Variants in DOCK10 observed in about 807,000 individuals in gnomAD.
DOCK10 encodes the protein dedicator of cytokinesis protein 10.
DOCK10 carries 145 observed loss-of-function variants against 280.1 expected under a neutral mutation model. The observed-to-expected ratio is 0.52, with a 90% CI of 0.45 to 0.59. DOCK10 has a LOEUF of 0.59. DOCK10 is among the 20% of genes least tolerant of loss of function. DOCK10 has a pLI of 0.00. For missense variants in DOCK10, 2,368 were observed against 2,651.7 expected, an observed-to-expected ratio of 0.89 and a Z score of 2.35; for synonymous variants, 915 against 942.2, an observed-to-expected ratio of 0.97 and a Z score of 0.53.
chr2:224,874,370 G>T (rs1263124874), intron 9 of DOCK10, 21 bp from the exon 10 acceptor site: 5 of 1,579,888 alleles, frequency 3.2e-6, no homozygotes, highest in Non-Finnish European at 4.3e-6. Context: ...AATTGTGTTA[G>T]TCCTTGGTAT....
At chr2:224,931,756 T>A in intron 1 of DOCK10, 88 bp from the exon 2 acceptor site, 1 of 1,428,914 alleles carries the variant, frequency 7.0e-7, no homozygotes, top group African/African-American at 1.4e-5. Context: ...TTAGTTATCA[T>A]TGAGGCTTTA....
chr2:224,973,567 C>T lies in DOCK10; in HGVS notation c.124-41899G>A, dbSNP rs947897513. On this transcript the variant is annotated intron_variant, in intron 1 of 55. Transcript: ENST00000258390. ...GGAAACAGATTCTCCCCTAGCACCC[C>T]GAGAAAGGAATGCAGCTCTGCCAAT... is the stretch of plus-strand genomic sequence containing the variant. 2.0e-5 allele frequency among the ~76,000 whole-genome samples: 3 copies of T among 152,044 alleles called. No individual in the cohort carries two copies. In the South Asian group the frequency reaches 6.3e-4, roughly 32 times the overall value.
In DOCK10 at chr2:224,970,491, C is replaced by A. The variant is rs961165012; in HGVS notation, c.124-38823G>T. On this transcript the variant is annotated intron_variant, in intron 1 of 55. Coordinates refer to ENST00000258390, the MANE Select transcript of DOCK10 (RefSeq NM_014689.3). The surrounding 1 kb of genome is among the most constrained non-coding windows in gnomAD (Gnocchi z 4.6). Reference sequence around the variant, plus strand: ...TTATATGATTCTGTTTCTGTTCTAGCACGACATTTCCGGATTCAGACTTCT... The same window carrying A: ...TTATATGATTCTGTTTCTGTTCTAGAACGACATTTCCGGATTCAGACTTCT... 1.3e-5 allele frequency among the ~76,000 whole-genome samples: 2 copies of A among 152,226 alleles called. No individual in the cohort carries two copies. Among genetic ancestry groups the A allele is most frequent in the Admixed American group, 1.3e-4 (2 of 15,286 alleles).
At chr2:224,796,568 C>T (rs1035181535) in intron 43 of DOCK10, 142 bp from the exon 44 acceptor site, 7 of 588,140 alleles carry the variant, frequency 1.2e-5, no homozygotes, top group East Asian at 5.6e-5. Flanking sequence ...AGCTCCAGAA[C>T]GTATTATTAA....
rs201901572 is a variant in DOCK10, at chr2:224,845,579, C to G, written c.2299G>C (p.Val767Leu). The G allele has an allele frequency of 6.2e-7, 1 of 1,613,222 alleles. No individual in the cohort carries two copies. The highest frequency in any genetic ancestry group is 1.1e-5 in the South Asian group (1 of 90,918). The change falls in exon 20 of 56, where the codon GTC (valine) becomes CTC (leucine). Residue 767 changes from valine (V) to leucine (L), a missense_variant. By Grantham distance (32) the Val-to-Leu change is conservative (BLOSUM62 1). Coordinates refer to ENST00000258390, the MANE Select transcript of DOCK10 (RefSeq NM_014689.3). ...GCTTTTGCATTGATGTCACAGGTGA[C>G]GTGATAAAAAGAAAACAAAATATGG... The part of the protein sequence containing the change: ...KHHILFSFYH[V>L]TCDINAKANA...
At chr2:224,975,194 G>A (rs913270568) in intron 1 of DOCK10, among the ~76,000 whole-genome samples, 3 of 152,078 alleles carry the variant, frequency 2.0e-5, no homozygotes, top group Admixed American at 6.6e-5. Flanking sequence ...GATTTATGTT[G>A]CTAATTACTA....
At chr2:224,874,834 T>C (rs1317412075) in intron 8 of DOCK10, 83 bp from the exon 9 acceptor site, 21 of 1,283,782 alleles carry the variant, frequency 1.6e-5, no homozygotes, top group Middle Eastern at 1.8e-4. Context: ...CAAAACTAAG[T>C]TAGGCTTAAG....
chr2:224,900,356 C>T (rs1032051764), intron 3 of DOCK10, among the ~76,000 whole-genome samples: 1 of 151,594 alleles, frequency 6.6e-6, no homozygotes, highest in Non-Finnish European at 1.5e-5. Context: ...ACTTTGCATA[C>T]AGTCTTAACA....
chr2:224,900,409 G>A (rs906805132), intron 3 of DOCK10, among the ~76,000 whole-genome samples: 2 of 152,132 alleles, frequency 1.3e-5, no homozygotes, highest in African/African-American at 4.8e-5. Context: ...AGATTAGAGA[G>A]GCAAGCAGAG....
At chr2:225,010,249 G>A (rs1689396638) in intron 1 of DOCK10, among the ~76,000 whole-genome samples, 1 of 152,110 alleles carries the variant, frequency 6.6e-6, no homozygotes, top group East Asian at 1.9e-4. Flanking sequence ...AACCTTTTAA[G>A]CCTTGCTGTG....
chr2:224,915,426 T>C (rs1701250937), intron 3 of DOCK10, among the ~76,000 whole-genome samples: 1 of 152,140 alleles, frequency 6.6e-6, no homozygotes, highest in Non-Finnish European at 1.5e-5. Flanking sequence ...CCTTAAAAGG[T>C]ATTGTAATGC....
intron 31 of DOCK10, among the ~76,000 whole-genome samples, chr2:224,811,720 C>A (rs1693791387): frequency 1.3e-5 from 2 of 152,118 alleles, no homozygotes; most frequent in African/African-American, 4.8e-5. Flanking sequence ...CCAGTTTTCC[C>A]AGCACCATTT....
chr2:224,854,498 G>A (rs1696972692), intron 16 of DOCK10, among the ~76,000 whole-genome samples: 1 of 152,148 alleles, frequency 6.6e-6, no homozygotes, highest in African/African-American at 2.4e-5. Flanking sequence ...TAACCCTCTG[G>A]CAGCACAATA....
chr2:224,988,244 C>T (rs140453892), intron 1 of DOCK10, among the ~76,000 whole-genome samples: 2 of 152,150 alleles, frequency 1.3e-5, no homozygotes, highest in Non-Finnish European at 2.9e-5. Context: ...TCCTTTCTAA[C>T]ACACCCCTGT....
rs1052977589 is a variant in DOCK10 at position 225,042,106 on chromosome 2, C to G, written c.123+146G>C. On this transcript the variant is annotated intron_variant, in intron 1 of 55. Transcript: ENST00000258390. The surrounding 1 kb of genome is among the most constrained non-coding windows in gnomAD (Gnocchi z 5.1). ...TCGCTGAGGTGGCGCCGGGGGAGCC[C>G]GCAGAGGCGGCGGGGGAGGGAGTGC... The G allele has an allele frequency of 9.6e-6, 10 of 1,037,962 alleles. No homozygotes were observed. The highest frequency in any genetic ancestry group is 8.9e-5 in the Admixed American group (2 of 22,584). The allele number at this position is 1,037,962 out of a possible 1,614,324, so 64.3% of individuals were successfully genotyped here. A position where few individuals can be genotyped will look rare whatever the true frequency, so the allele number is the denominator to read the frequency against.
intron 31 of DOCK10, 48 bp downstream of exon 31, chr2:224,814,272 T>C (rs866739568): frequency 1.7e-6 from 2 of 1,188,062 alleles, no homozygotes; most frequent in Non-Finnish European, 2.3e-6. Context: ...GTCAATATTA[T>C]TGGATTACAG....
intron 1 of DOCK10, among the ~76,000 whole-genome samples, chr2:224,975,009 TG>T (rs1705350044): frequency 6.6e-6 from 1 of 151,366 alleles, no homozygotes; most frequent in African/African-American, 2.4e-5. Context: ...TCTTTATCAC[TG>T]TGTTGGTTTT....
intron 3 of DOCK10, among the ~76,000 whole-genome samples, chr2:224,903,026 A>C (rs1419250098): frequency 2.0e-5 from 3 of 152,158 alleles, no homozygotes; most frequent in Admixed American, 2.0e-4. Context: ...TGAACCCGGG[A>C]GGCGGAGCTT....
At position 224,947,086 on chromosome 2, in the gene DOCK10, A is replaced by G; in HGVS notation, c.124-15418T>C. 8 of 1,357,120 alleles carry G rather than the reference A, an allele frequency of 5.9e-6. No individual in the cohort carries two copies. In the South Asian group the frequency reaches 1.3e-4, roughly 22 times the overall value. The allele number at this position is 1,357,120 out of a possible 1,614,324, so 84.1% of individuals were successfully genotyped here. A position where few individuals can be genotyped will look rare whatever the true frequency, so the allele number is the denominator to read the frequency against. Reference sequence around the variant, plus strand: ...GAAATGCTCATGCTACATGAATGTAACTCAACAGAAAGGAAAGGAAAGCTG... The same window carrying G: ...GAAATGCTCATGCTACATGAATGTAGCTCAACAGAAAGGAAAGGAAAGCTG... On this transcript the variant is annotated intron_variant, in intron 1 of 55. Coordinates refer to ENST00000258390, the MANE Select transcript of DOCK10 (RefSeq NM_014689.3).
Sources: gnomAD v4.1 joint callset for allele counts (sites outside exome capture counted in the v4.1 genomes callset) on GRCh38, gnomAD v4.1.1 for gene constraint, Gnocchi (gnomAD v3.1) non-coding constraint, MANE v1.5 for transcripts, NCBI Gene and HGNC (gene_info 2026-07-23, HGNC 2026-07-21) for gene names.